UTRN: variants seen among roughly 807,000 people sequenced by gnomAD.
The protein encoded by UTRN is utrophin.
A neutral mutation model predicts 463.9 loss-of-function variants in UTRN; 283 were observed. The ratio of observed to expected loss-of-function variants is 0.61; its 90% CI spans 0.55 to 0.67. The LOEUF is 0.67. Ranked by LOEUF, UTRN falls within the 30% of genes least tolerant of loss-of-function variation. The pLI is 0.00. For missense variants in UTRN, 3,922 were observed against 4,084.3 expected, an observed-to-expected ratio of 0.96 and a Z score of 1.08; for synonymous variants, 1,442 against 1,431.5, an observed-to-expected ratio of 1.01 and a Z score of -0.17.
intron 63 of UTRN, among the ~76,000 whole-genome samples, chr6:144,795,938 T>C (rs1053421978): frequency 5.3e-5 from 8 of 152,194 alleles, no homozygotes; most frequent in African/African-American, 1.9e-4. Context: ...TTGTCAATTT[T>C]GCCTTTTGTT....
chr6:144,825,575 G>A lies in UTRN; in HGVS notation c.9495-1773G>A, dbSNP rs115547616. 4.7e-3 allele frequency among the ~76,000 whole-genome samples: 721 copies of A among 152,068 alleles called. 8 individuals carry two copies. Among genetic ancestry groups the A allele is most frequent in the African/African-American group, 0.017 (686 of 41,480 alleles). ...TTGCCATTCTCATTTTTTAGGTCATGGATCACTTTTGTGCTAACTGGATTA... is the reference window on the plus strand; with the variant it reads ...TTGCCATTCTCATTTTTTAGGTCATAGATCACTTTTGTGCTAACTGGATTA... On this transcript the variant is annotated intron_variant, in intron 66 of 74. Coordinates refer to ENST00000367545, the MANE Select transcript of UTRN (RefSeq NM_007124.3).
intron 2 of UTRN, among the ~76,000 whole-genome samples, chr6:144,321,660 G>C (rs1221849253): frequency 6.6e-6 from 1 of 151,492 alleles, no homozygotes. Context: ...AGTAGAGACA[G>C]GGGGTTTCAC....
chr6:144,604,231 G>A (rs1804576812), intron 51 of UTRN, among the ~76,000 whole-genome samples: 1 of 152,136 alleles, frequency 6.6e-6, no homozygotes, highest in African/African-American at 2.4e-5. Flanking sequence ...TGCCATATAT[G>A]CTGTAGTTAT....
At chr6:144,306,901 CAA>C (rs773320680) in intron 2 of UTRN, among the ~76,000 whole-genome samples, 2 of 132,612 alleles carry the variant, frequency 1.5e-5, no homozygotes, top group Admixed American at 7.6e-5. Flanking sequence ...ACTAAAAATA[CAA>C]AAAAAAAAAA....
chr6:144,290,211 A>G (rs1201311337), intron 1 of UTRN, among the ~76,000 whole-genome samples: 1 of 152,238 alleles, frequency 6.6e-6, no homozygotes, highest in Non-Finnish European at 1.5e-5. Context: ...CATTGATACA[A>G]TAATATTGTC....
chr6:144,540,934 A>G (rs1797927712), intron 45 of UTRN, among the ~76,000 whole-genome samples: 1 of 152,156 alleles, frequency 6.6e-6, no homozygotes, highest in African/African-American at 2.4e-5. Context: ...AATTCTTTCG[A>G]CTTTTCTTAG....
intron 13 of UTRN, among the ~76,000 whole-genome samples, chr6:144,443,693 A>G (rs1246771919): frequency 6.6e-6 from 1 of 152,088 alleles, no homozygotes; most frequent in Non-Finnish European, 1.5e-5. Context: ...TTCTATTGCT[A>G]ATTTATGTAA....
intron 63 of UTRN, among the ~76,000 whole-genome samples, chr6:144,797,192 T>C (rs1045701267): frequency 6.7e-6 from 1 of 148,884 alleles, no homozygotes; most frequent in East Asian, 1.9e-4. Context: ...AGATGAAATT[T>C]TTTTTTTTTT....
At chr6:144,426,946 T>C (rs907413916) in intron 7 of UTRN, among the ~76,000 whole-genome samples, 4 of 152,218 alleles carry the variant, frequency 2.6e-5, no homozygotes, top group East Asian at 1.9e-4. Flanking sequence ...GCTGAAATAC[T>C]TTCCAAAAAG....
chr6:144,782,889 A>T (rs1775968199), intron 61 of UTRN, among the ~76,000 whole-genome samples: 1 of 152,108 alleles, frequency 6.6e-6, no homozygotes, highest in Admixed American at 6.6e-5. Flanking sequence ...AAGTATGCAA[A>T]GATGAAATAA....
At chr6:144,397,156 A>C (rs1347732510) in intron 2 of UTRN, among the ~76,000 whole-genome samples, 1 of 152,114 alleles carries the variant, frequency 6.6e-6, no homozygotes, top group Non-Finnish European at 1.5e-5. Context: ...AGGGAGGAGA[A>C]CCGCTTCAAC....
intron 53 of UTRN, among the ~76,000 whole-genome samples, chr6:144,704,015 GGA>G (rs1784837426): frequency 6.6e-6 from 1 of 152,120 alleles, no homozygotes; most frequent in East Asian, 1.9e-4. Flanking sequence ...GCAGGAGAGA[GGA>G]TACCAGCTCA....
chr6:144,368,294 C>G (rs1246480949), intron 2 of UTRN, among the ~76,000 whole-genome samples: 1 of 152,116 alleles, frequency 6.6e-6, no homozygotes. Flanking sequence ...TGACATATAT[C>G]AAACCAGAAA....
rs9484894 is a variant in UTRN, at chr6:144,658,644, G to C, written c.7480-19762G>C. Among the ~76,000 whole-genome samples, 661 of 152,214 alleles carry C rather than the reference G, an allele frequency of 4.3e-3. 2 individuals carry two copies. The highest frequency in any genetic ancestry group is 0.015 in the African/African-American group (638 of 41,518). ...TGGTAGTGTCACCATTATAAGCACT[G>C]CATCTTTATGATGAAACTCTGCCTA... On this transcript the variant is annotated intron_variant, in intron 51 of 74. Transcript: ENST00000367545.
chr6:144,445,371 C>CAAAAAAAAA lies in UTRN; in HGVS notation c.1614+992_1614+993insAAAAAAAAA, dbSNP rs1440149097. ...CCTCTCAAAAAAAAAAAAAAAAAAG[C>CAAAAAAAAA]AAATACTCTATTCCCACATCTCTCA... is the stretch of plus-strand genomic sequence containing the variant. On this transcript the variant is annotated intron_variant, in intron 14 of 74. Coordinates refer to ENST00000367545, the MANE Select transcript of UTRN (RefSeq NM_007124.3). Among the ~76,000 whole-genome samples the CAAAAAAAAA allele has an allele frequency of 5.9e-5, 6 of 102,396 alleles. No homozygotes were observed. In the East Asian group the frequency reaches 1.3e-3, roughly 22 times the overall value. The allele number at this position is 102,396 out of a possible 152,430, so 67.2% of individuals were successfully genotyped here.
At chr6:144,568,582 C>T (rs1386430413) in intron 50 of UTRN, among the ~76,000 whole-genome samples, 1 of 152,168 alleles carries the variant, frequency 6.6e-6, no homozygotes, top group East Asian at 1.9e-4. Context: ...TCTTAGAACT[C>T]TTCCACATTA....
intron 73 of UTRN, among the ~76,000 whole-genome samples, chr6:144,845,461 C>CA (rs1184080300): frequency 5.9e-5 from 9 of 152,122 alleles, no homozygotes; most frequent in Non-Finnish European, 8.8e-5. Context: ...TGGCATTCAT[C>CA]AAAAACCCAA....
At chr6:144,334,949 A>C (rs1472677074) in intron 2 of UTRN, among the ~76,000 whole-genome samples, 2 of 152,230 alleles carry the variant, frequency 1.3e-5, no homozygotes, top group African/African-American at 2.4e-5. Context: ...AGTGAAAATA[A>C]ATTGAACGAA....
intron 19 of UTRN, among the ~76,000 whole-genome samples, chr6:144,455,062 T>TACAC (rs142660252): frequency 4.0e-5 from 6 of 151,208 alleles, no homozygotes; most frequent in African/African-American, 1.5e-4. Flanking sequence ...GATATGTGTA[T>TACAC]ACACACACAC....
Sources: allele counts gnomAD v4.1 joint callset (sites outside exome capture counted in the v4.1 genomes callset), GRCh38; gene constraint gnomAD v4.1.1; transcripts MANE v1.5; gene names NCBI Gene and HGNC (gene_info 2026-07-23, HGNC 2026-07-21).